The following STK32B variants were observed in gnomAD, a reference collection of about 807,000 sequenced individuals.
STK32B encodes serine/threonine-protein kinase 32B.
In STK32B, 43 loss-of-function variants were observed where a neutral mutation model predicts 52.6. The observed-to-expected ratio is 0.82, with a 90% CI of 0.64 to 1.05. STK32B has a LOEUF of 1.05. STK32B is among the 50% of genes least tolerant of loss of function. STK32B has a pLI of 0.00. For missense variants in STK32B, 621 were observed against 534.6 expected, an observed-to-expected ratio of 1.16 and a Z score of -1.59; for synonymous variants, 238 against 204.3, an observed-to-expected ratio of 1.17 and a Z score of -1.41.
intron 3 of STK32B, among the ~76,000 whole-genome samples, chr4:5,260,223 A>G (rs147110628): frequency 2.6e-5 from 4 of 152,302 alleles, no homozygotes; most frequent in African/African-American, 7.2e-5. Flanking sequence ...AGTTTTCCCA[A>G]CATTGCAAAT....
chr4:5,055,027 G>T (rs1741946239), intron 1 of STK32B, among the ~76,000 whole-genome samples: 1 of 152,094 alleles, frequency 6.6e-6, no homozygotes, highest in Non-Finnish European at 1.5e-5. Context: ...CTAACATTTG[G>T]TGAAAAAGGG....
At chr4:5,227,837 G>A (rs1723979727) in intron 3 of STK32B, among the ~76,000 whole-genome samples, 2 of 152,102 alleles carry the variant, frequency 1.3e-5, no homozygotes, top group Non-Finnish European at 2.9e-5. Flanking sequence ...AGTGAAATTG[G>A]CTTTTATTTA....
chr4:5,161,090 A>G (rs13122321), intron 2 of STK32B, among the ~76,000 whole-genome samples: 23,010 of 152,154 alleles, frequency 0.15, 2,217 homozygotes, highest in Non-Finnish European at 0.21. Flanking sequence ...TTATCCCATT[A>G]TACCTCGGGT....
Position 5,101,278 on chromosome 4 carries a change from G to T in STK32B, c.53-38627G>T, listed in dbSNP as rs557345273. 1.2e-4 allele frequency among the ~76,000 whole-genome samples: 19 copies of T among 152,272 alleles called. No homozygotes were observed. The East Asian group carries it at 3.3e-3, about 26-fold the overall frequency. Reference sequence around the variant, plus strand: ...TTTGGGGCACACACGGTGGCTTCCCGGGAGGGTCTGCACTGTTCCGCAGCA... The same window carrying T: ...TTTGGGGCACACACGGTGGCTTCCCTGGAGGGTCTGCACTGTTCCGCAGCA... On this transcript the variant is annotated intron_variant, in intron 1 of 11. Coordinates refer to ENST00000282908, the MANE Select transcript of STK32B (RefSeq NM_018401.3).
At chr4:5,156,171 CAT>C (rs1167517520) in intron 2 of STK32B, among the ~76,000 whole-genome samples, 3 of 151,636 alleles carry the variant, frequency 2.0e-5, no homozygotes, top group African/African-American at 2.4e-5. Flanking sequence ...TACATATACA[CAT>C]ATGCATACAC....
chr4:5,114,563 A>C (rs1714609627), intron 1 of STK32B, among the ~76,000 whole-genome samples: 1 of 152,122 alleles, frequency 6.6e-6, no homozygotes. Context: ...GAATAAATAA[A>C]AGGTCCTTCT....
chr4:5,294,232 G>A (rs191669073), intron 3 of STK32B, among the ~76,000 whole-genome samples: 364 of 152,244 alleles, frequency 2.4e-3, no homozygotes, highest in African/African-American at 8.1e-3. Flanking sequence ...GATGCCTCCA[G>A]CTTTGTTCTT....
chr4:5,314,795 G>C (rs79186769), intron 3 of STK32B, among the ~76,000 whole-genome samples: 17,706 of 152,004 alleles, frequency 0.12, 2,600 homozygotes, highest in African/African-American at 0.35. Context: ...TAGCAAAACG[G>C]GCTGGGAAAT....
intron 1 of STK32B, among the ~76,000 whole-genome samples, chr4:5,116,354 C>T (rs1413828185): frequency 2.0e-5 from 3 of 151,996 alleles, no homozygotes; most frequent in South Asian, 4.1e-4. Context: ...AATTTGTTGT[C>T]GTTGTACATT....
At chr4:5,495,990 G>A (rs1720201965) in intron 11 of STK32B, among the ~76,000 whole-genome samples, 1 of 152,164 alleles carries the variant, frequency 6.6e-6, no homozygotes, top group South Asian at 2.1e-4. Flanking sequence ...GCCCCTACTG[G>A]GGGGTGCCTC....
intron 3 of STK32B, among the ~76,000 whole-genome samples, chr4:5,294,678 A>G (rs542474266): frequency 9.0e-4 from 137 of 152,258 alleles, no homozygotes; most frequent in African/African-American, 2.8e-3. Flanking sequence ...TTGGACTGAG[A>G]CGATGGGATT....
At chr4:5,242,790 C>A (rs576252818) in intron 3 of STK32B, among the ~76,000 whole-genome samples, 1,822 of 152,178 alleles carry the variant, frequency 0.012, 33 homozygotes, top group African/African-American at 0.041. Flanking sequence ...TCAGCTTTCT[C>A]CATATGGCTA....
At chr4:5,434,040 C>A (rs1250473753) in intron 6 of STK32B, among the ~76,000 whole-genome samples, 3 of 152,180 alleles carry the variant, frequency 2.0e-5, no homozygotes, top group African/African-American at 7.2e-5. Context: ...ATTGCTCAAC[C>A]ACTGGTAGAG....
At chr4:5,098,376 A>G (rs892635992) in intron 1 of STK32B, among the ~76,000 whole-genome samples, 6 of 152,234 alleles carry the variant, frequency 3.9e-5, no homozygotes, top group African/African-American at 1.4e-4. Context: ...CCACCCCAGC[A>G]TCTCTTGGCT....
chr4:5,376,498 G>A (rs953169501), intron 4 of STK32B, among the ~76,000 whole-genome samples: 6 of 151,760 alleles, frequency 4.0e-5, no homozygotes, highest in South Asian at 2.1e-4. Flanking sequence ...GAGAGGATCC[G>A]CTCAGAGCAC....
At chr4:5,057,779 A>T (rs1184410858) in intron 1 of STK32B, among the ~76,000 whole-genome samples, 2 of 152,204 alleles carry the variant, frequency 1.3e-5, no homozygotes, top group African/African-American at 4.8e-5. Flanking sequence ...TTACACCATT[A>T]TCTAAAATCT....
chr4:5,057,298 T>C (rs966070605), intron 1 of STK32B, among the ~76,000 whole-genome samples: 4 of 152,202 alleles, frequency 2.6e-5, no homozygotes, highest in African/African-American at 9.7e-5. Flanking sequence ...ACCTTGAGAC[T>C]TGCTTGAGCA....
At chr4:5,161,954 C>G (rs1240850981) in intron 2 of STK32B, among the ~76,000 whole-genome samples, 1 of 151,664 alleles carries the variant, frequency 6.6e-6, no homozygotes, top group African/African-American at 2.4e-5. Flanking sequence ...CTGAGTGCTT[C>G]TCAAGCTGGG....
intron 3 of STK32B, among the ~76,000 whole-genome samples, chr4:5,264,887 T>C (rs1019114799): frequency 1.3e-5 from 2 of 152,234 alleles, no homozygotes; most frequent in African/African-American, 4.8e-5. Context: ...TCCCAACATA[T>C]GGCTTGCTTT....
Sources: gnomAD v4.1 joint callset for allele counts (sites outside exome capture counted in the v4.1 genomes callset) on GRCh38, gnomAD v4.1.1 for gene constraint, MANE v1.5 for transcripts, NCBI Gene and HGNC (gene_info 2026-07-23, HGNC 2026-07-21) for gene names.